Variants in FOXP1 observed in about 807,000 individuals in gnomAD.
FOXP1 encodes forkhead box protein P1.
Under a neutral mutation model 98.2 loss-of-function variants are expected in FOXP1, and 15 were observed. That is an observed-to-expected ratio of 0.15 (90% CI 0.10 to 0.24). The LOEUF is 0.24. Among genes scored for constraint, FOXP1 ranks in the 10% least tolerant of loss-of-function variants. The pLI is 1.00. For missense variants in FOXP1, 633 were observed against 848.5 expected (o/e 0.75, Z 3.15); for synonymous variants, 371 against 314.5 (o/e 1.18, Z -1.90).
At chr3:71,362,221 G>A (rs1336742023) in intron 3 of FOXP1, among the ~76,000 whole-genome samples, 1 of 152,182 alleles carries the variant, frequency 6.6e-6, no homozygotes, top group Admixed American at 6.5e-5. Flanking sequence ...CACCAGGCTG[G>A]AGTGCAATGG....
At chr3:71,468,781 T>C (rs1296531728) in intron 3 of FOXP1, among the ~76,000 whole-genome samples, 1 of 152,156 alleles carries the variant, frequency 6.6e-6, no homozygotes, top group African/African-American at 2.4e-5. Context: ...CTGAATCATG[T>C]GAGGCTTTTA....
chr3:71,454,601 G>C, intron 3 of FOXP1, among the ~76,000 whole-genome samples: 1 of 152,096 alleles, frequency 6.6e-6, no homozygotes, highest in East Asian at 1.9e-4. Context: ...TACTGAACAA[G>C]AATCTGCATT....
chr3:71,100,948 G>T (rs1321254250), intron 7 of FOXP1, among the ~76,000 whole-genome samples: 1 of 152,138 alleles, frequency 6.6e-6, no homozygotes, highest in Non-Finnish European at 1.5e-5. Context: ...TGGCGTTCGA[G>T]GAGAGGATAG....
intron 2 of FOXP1, among the ~76,000 whole-genome samples, chr3:71,554,679 C>T (rs1316614569): frequency 6.6e-6 from 1 of 152,140 alleles, no homozygotes; most frequent in Non-Finnish European, 1.5e-5. Context: ...GTTATCAATC[C>T]TCTTTTTGAA....
intron 6 of FOXP1, among the ~76,000 whole-genome samples, chr3:71,153,291 G>C (rs2060662321): frequency 6.6e-6 from 1 of 152,116 alleles, no homozygotes; most frequent in African/African-American, 2.4e-5. Context: ...GGGAGAAGTG[G>C]CTAAAAGTTA....
At chr3:71,480,736 G>C (rs1012157542) in intron 3 of FOXP1, among the ~76,000 whole-genome samples, 6 of 152,176 alleles carry the variant, frequency 3.9e-5, no homozygotes. Context: ...AGCTTGTCAA[G>C]TAGAAGAGAT....
At chr3:71,431,994 CAG>C (rs2084760945) in intron 3 of FOXP1, among the ~76,000 whole-genome samples, 1 of 152,194 alleles carries the variant, frequency 6.6e-6, no homozygotes, top group African/African-American at 2.4e-5. Flanking sequence ...ATCAGAGAAG[CAG>C]AGAGAACCTA....
intron 3 of FOXP1, among the ~76,000 whole-genome samples, chr3:71,474,118 C>G (rs1312548752): frequency 2.0e-5 from 3 of 151,764 alleles, no homozygotes; most frequent in Non-Finnish European, 4.4e-5. Flanking sequence ...TATTTAAATT[C>G]CAAAAAAGAC....
At chr3:71,293,177 T>C (rs886637127) in intron 5 of FOXP1, among the ~76,000 whole-genome samples, 1 of 152,218 alleles carries the variant, frequency 6.6e-6, no homozygotes, top group Non-Finnish European at 1.5e-5. Flanking sequence ...AAGGAAAGGC[T>C]CTATTTCCTA....
chr3:71,245,141 T>C (rs774866391), intron 5 of FOXP1: 1 of 152,050 alleles, frequency 6.6e-6, no homozygotes, highest in African/African-American at 2.4e-5. Context: ...TTTTGTGGAG[T>C]TGTACCGTTT....
intron 3 of FOXP1, among the ~76,000 whole-genome samples, chr3:71,411,521 A>T (rs936214521): frequency 6.6e-6 from 1 of 152,032 alleles, no homozygotes; most frequent in Non-Finnish European, 1.5e-5. Context: ...ACAGGGTTTC[A>T]CCGTGTTAGC....
intron 5 of FOXP1, among the ~76,000 whole-genome samples, chr3:71,219,610 A>T (rs1351804306): frequency 2.0e-5 from 3 of 152,260 alleles, no homozygotes; most frequent in Non-Finnish European, 4.4e-5. Flanking sequence ...TCAAAAACTT[A>T]GTATGAAAGA....
chr3:71,304,238 G>A (rs1006238358), intron 4 of FOXP1, among the ~76,000 whole-genome samples: 2 of 151,994 alleles, frequency 1.3e-5, no homozygotes, highest in East Asian at 1.9e-4. Flanking sequence ...ACTCCACATC[G>A]GCCCATCTCA....
At chr3:71,566,773 C>T (rs961988199) in intron 2 of FOXP1, among the ~76,000 whole-genome samples, 2 of 152,146 alleles carry the variant, frequency 1.3e-5, no homozygotes, top group Admixed American at 6.5e-5. Flanking sequence ...CTCCTGAAGG[C>T]GCTGGGCTGA....
intron 2 of FOXP1, among the ~76,000 whole-genome samples, chr3:71,549,872 A>C (rs1301259237): frequency 1.4e-5 from 2 of 146,296 alleles, no homozygotes; most frequent in African/African-American, 5.4e-5. Flanking sequence ...AAAAAAAAAA[A>C]AAAAAAAAAA....
At position 71,053,133 on chromosome 3, in the gene FOXP1, A is replaced by G. The variant is rs187187652; in HGVS notation, c.420+503T>C. 3.8e-3 allele frequency among the ~76,000 whole-genome samples: 578 copies of G among 152,318 alleles called. 2 individuals are homozygous for G. The highest frequency in any genetic ancestry group is 6.8e-3 in the Middle Eastern group (2 of 294). ...CTGAATATTAGGTCCCCATAGTGCAATGACAACCAGAAGTTCATTTCAGCA... is the reference window on the plus strand; with the variant it reads ...CTGAATATTAGGTCCCCATAGTGCAGTGACAACCAGAAGTTCATTTCAGCA... On this transcript the variant is annotated intron_variant, in intron 8 of 20. Coordinates refer to ENST00000649528, the MANE Select transcript of FOXP1 (RefSeq NM_001349338.3).
intron 6 of FOXP1, among the ~76,000 whole-genome samples, chr3:71,142,875 C>T (rs2060135584): frequency 6.6e-6 from 1 of 152,052 alleles, no homozygotes; most frequent in African/African-American, 2.4e-5. Flanking sequence ...ACACTGCTTG[C>T]ATCTAAAGTT....
Position 71,190,884 on chromosome 3 carries a change from A to G in FOXP1, c.180+7318T>C, listed in dbSNP as rs375637089. On this transcript the variant is annotated intron_variant, in intron 6 of 20. Coordinates refer to ENST00000649528, the MANE Select transcript of FOXP1 (RefSeq NM_001349338.3). ...AGCAAAGGGTCTCTGGAATGTTACA[A>G]GTAACACTTCATAATTACAATAGAT... Among the ~76,000 whole-genome samples the G allele has an allele frequency of 1.5e-4, 23 of 152,296 alleles. No individual in the cohort carries two copies. The East Asian group carries it at 2.1e-3, about 14-fold the overall frequency.
rs938635046 is a variant in FOXP1, at chr3:71,184,126, T to C, written c.180+14076A>G. On this transcript the variant is annotated intron_variant, in intron 6 of 20. Coordinates refer to ENST00000649528, the MANE Select transcript of FOXP1 (RefSeq NM_001349338.3). ...GAGATCACGCCATTGCACTCCAGCC[T>C]GGGCAACAAGAGCAAGACTGTCTCA... is the stretch of plus-strand genomic sequence containing the variant. Among the ~76,000 whole-genome samples, 12 of 152,166 alleles carry C rather than the reference T, an allele frequency of 7.9e-5. 1 individual carries two copies. The highest frequency in any genetic ancestry group is 3.3e-4 in the Admixed American group (5 of 15,270).
Sources: allele counts gnomAD v4.1 joint callset (sites outside exome capture counted in the v4.1 genomes callset), GRCh38; gene constraint gnomAD v4.1.1; transcripts MANE v1.5; gene names NCBI Gene and HGNC (gene_info 2026-07-23, HGNC 2026-07-21).